The following ATF7IP variants were observed in gnomAD, a reference collection of about 807,000 sequenced individuals.
The protein encoded by ATF7IP is activating transcription factor 7-interacting protein 1.
ATF7IP carries 23 observed loss-of-function variants against 106.4 expected under a neutral mutation model. That is an observed-to-expected ratio of 0.22 (90% confidence interval 0.16 to 0.31). The LOEUF (loss-of-function observed/expected upper bound fraction) is 0.31. ATF7IP is among the 10% of genes least tolerant of loss of function. The pLI is 1.00. For missense variants in ATF7IP, 1,334 were observed against 1,524.3 expected (o/e 0.88, Z 2.08); for synonymous variants, 542 against 539.0 (o/e 1.01, Z -0.08).
chr12:14,424,736 T>C lies in ATF7IP; in HGVS notation c.821T>C (p.Leu274Pro). The change falls in exon 2 of 15, where the codon CTG becomes CCG. Residue 274 changes from leucine to proline, a missense_variant. Leu to Pro is a moderately conservative substitution (Grantham distance 98). This residue lies in a region of ATF7IP where 438 missense variants were observed against 405.3 expected (regional missense o/e 1.08). Coordinates refer to ENST00000261168, the MANE Select transcript of ATF7IP (RefSeq NM_018179.5). The stretch of plus-strand genomic sequence containing the variant: ...TCTGATGATCTGGCCACTGGTGAAC[T>C]GGCCTCTGATGAGCTGACTTCTGAA... ...LASDDLATGE[L>P]ASDELTSEST... 1.2e-6 allele frequency: 2 copies of C among 1,614,156 alleles called. No individual in the cohort carries two copies. Among genetic ancestry groups the C allele is most frequent in the South Asian group, 2.2e-5 (2 of 91,088 alleles).
intron 9 of ATF7IP, 126 bp from the exon 10 acceptor site, chr12:14,466,400 T>C: frequency 1.4e-6 from 1 of 729,080 alleles, no homozygotes; most frequent in Non-Finnish European, 2.4e-6. Flanking sequence ...TTTGAGTTTT[T>C]ATTTATGTAT....
chr12:14,459,325 T>C (rs1053274874), intron 8 of ATF7IP, among the ~76,000 whole-genome samples: 1 of 149,556 alleles, frequency 6.7e-6, no homozygotes, highest in Non-Finnish European at 1.5e-5. Context: ...AGTAGTTGTC[T>C]TATATGTACT....
At chr12:14,442,879 G>A (rs962351702) in intron 5 of ATF7IP, among the ~76,000 whole-genome samples, 4 of 152,208 alleles carry the variant, frequency 2.6e-5, no homozygotes, top group Non-Finnish European at 4.4e-5. Flanking sequence ...AGGAGGCCAG[G>A]TGTGATGGCT....
rs118118984 is a variant in ATF7IP at position 14,421,459 on chromosome 12, C to T, written c.-7-2450C>T. Among the ~76,000 whole-genome samples, 672 of 152,182 alleles carry T rather than the reference C, an allele frequency of 4.4e-3. 3 individuals carry two copies. Among genetic ancestry groups the T allele is most frequent in the East Asian group, 0.015 (77 of 5,168 alleles). On this transcript the variant is annotated intron_variant, in intron 1 of 14. Coordinates refer to ENST00000261168, the MANE Select transcript of ATF7IP (RefSeq NM_018179.5). The stretch of plus-strand genomic sequence containing the variant: ...GAGGGTGCTGAGGGAAGGATCTGTT[C>T]CAGGCCTCTCTCCTAGCTTCTGGTA...
chr12:14,398,743 C>T (rs901364119), intron 1 of ATF7IP, among the ~76,000 whole-genome samples: 1 of 151,360 alleles, frequency 6.6e-6, no homozygotes, highest in African/African-American at 2.4e-5. Context: ...GGACATATCT[C>T]TTTTTTTTGT....
In ATF7IP at chr12:14,388,626, C is replaced by T. The variant is rs553727145; in HGVS notation, c.-8+22799C>T. Among the ~76,000 whole-genome samples the T allele has an allele frequency of 7.4e-4, 112 of 152,284 alleles. 2 individuals carry two copies. The highest frequency in any genetic ancestry group is 2.6e-3 in the African/African-American group (107 of 41,570). On this transcript the variant is annotated intron_variant, in intron 1 of 14. Coordinates refer to ENST00000261168, the MANE Select transcript of ATF7IP (RefSeq NM_018179.5). The stretch of plus-strand genomic sequence containing the variant: ...CCTCCCAAAGTGTTGGGATTATAGG[C>T]ATGAGCCACTGCGCCCAGCCTTCTT...
intron 13 of ATF7IP, among the ~76,000 whole-genome samples, chr12:14,491,468 A>G (rs997980130): frequency 6.6e-6 from 1 of 152,204 alleles, no homozygotes; most frequent in Non-Finnish European, 1.5e-5. Flanking sequence ...CCTCTGGCAC[A>G]CAAATCTCTC....
At chr12:14,438,052 CA>C (rs1010365489) in intron 4 of ATF7IP, 77 bp from the exon 5 acceptor site, 479 of 1,339,382 alleles carry the variant, frequency 3.6e-4, no homozygotes, top group Admixed American at 5.7e-4. Flanking sequence ...GACTCTGTCT[CA>C]AAAAAAAAGA....
chr12:14,467,295 G>GA (rs1296439478), intron 10 of ATF7IP, among the ~76,000 whole-genome samples: 2 of 151,942 alleles, frequency 1.3e-5, no homozygotes, highest in East Asian at 3.9e-4. Flanking sequence ...TGTCAGGCAT[G>GA]AAAAAATGAC....
At position 14,425,332 on chromosome 12, in the gene ATF7IP, A is replaced by C; in HGVS notation, c.1417A>C (p.Ser473Arg). ...TCCAGATTTGGAAGAGAAAATGGAA[A>C]GTTCTTTTGGTTCACCATCTAAACA... The part of the protein sequence containing the change: ...TNPDLEEKME[S>R]SFGSPSKQES... Residue 473 changes from serine to arginine, a missense_variant, in exon 2 of 15, where the codon AGT becomes CGT. Physicochemically the swap from Ser to Arg is moderately radical, Grantham distance 110 (BLOSUM62 -1). Coordinates refer to ENST00000261168, the MANE Select transcript of ATF7IP (RefSeq NM_018179.5). The C allele has an allele frequency of 5.6e-6, 9 of 1,611,318 alleles. No individual in the cohort carries two copies. Among genetic ancestry groups the C allele is most frequent in the Non-Finnish European group, 7.6e-6 (9 of 1,179,310 alleles).
At chr12:14,385,306 C>T in intron 1 of ATF7IP, 12 of 1,253,238 alleles carry the variant, frequency 9.6e-6, no homozygotes, top group Non-Finnish European at 1.2e-5. Flanking sequence ...TGAGACTGTG[C>T]AGCTGTCTCA....
intron 13 of ATF7IP, among the ~76,000 whole-genome samples, chr12:14,485,718 G>T (rs1944584238): frequency 6.6e-6 from 1 of 152,170 alleles, no homozygotes; most frequent in Non-Finnish European, 1.5e-5. Context: ...GGAGAAAAAG[G>T]ATTTGCCAAG....
chr12:14,405,651 T>C (rs1314932099), intron 1 of ATF7IP, among the ~76,000 whole-genome samples: 3 of 152,058 alleles, frequency 2.0e-5, no homozygotes, highest in Non-Finnish European at 2.9e-5. Flanking sequence ...TTCTGGTGCC[T>C]CAAGCAGTCT....
chr12:14,458,684 A>G (rs1943530153), intron 8 of ATF7IP, among the ~76,000 whole-genome samples: 2 of 152,138 alleles, frequency 1.3e-5, no homozygotes, highest in South Asian at 4.1e-4. Context: ...GTAGCCAGAC[A>G]TGGTGGTGCA....
chr12:14,448,153 A>G (rs1296154181), intron 6 of ATF7IP, among the ~76,000 whole-genome samples: 1 of 152,124 alleles, frequency 6.6e-6, no homozygotes, highest in African/African-American at 2.4e-5. Flanking sequence ...GCCAATATCA[A>G]TAAATAGTAA....
At chr12:14,454,299 G>C (rs1331886456) in intron 6 of ATF7IP, among the ~76,000 whole-genome samples, 2 of 152,142 alleles carry the variant, frequency 1.3e-5, no homozygotes, top group Non-Finnish European at 2.9e-5. Context: ...ACTTTGGCAA[G>C]CTGTTGTATT....
intron 5 of ATF7IP, among the ~76,000 whole-genome samples, chr12:14,446,675 TAAC>T (rs966533664): frequency 2.6e-5 from 4 of 152,162 alleles, no homozygotes; most frequent in East Asian, 1.9e-4. Context: ...GTTAAAAAAA[TAAC>T]AAAACACAGG....
chr12:14,374,196 C>T (rs1167340888), intron 1 of ATF7IP, among the ~76,000 whole-genome samples: 1 of 150,638 alleles, frequency 6.6e-6, no homozygotes, highest in Non-Finnish European at 1.5e-5. Context: ...CTCCTGGGCT[C>T]AAGGGATCCT....
At chr12:14,382,852 G>A (rs1301442455) in intron 1 of ATF7IP, among the ~76,000 whole-genome samples, 1 of 152,166 alleles carries the variant, frequency 6.6e-6, no homozygotes, top group Non-Finnish European at 1.5e-5. Context: ...AAGATATTGA[G>A]AGAGTAATGA....
Sources: gnomAD v4.1 joint callset for allele counts (sites outside exome capture counted in the v4.1 genomes callset) on GRCh38, gnomAD v4.1.1 for gene constraint, gnomAD v4.1.1 regional missense constraint, MANE v1.5 for transcripts, NCBI Gene and HGNC (gene_info 2026-07-23, HGNC 2026-07-21) for gene names.